Variants in STXBP5L observed in about 807,000 individuals in gnomAD.
STXBP5L encodes syntaxin binding protein 5L.
Under a neutral mutation model 144.5 loss-of-function variants are expected in STXBP5L, and 65 were observed. The observed-to-expected ratio is 0.45, with a 90% CI of 0.37 to 0.55. The LOEUF is 0.55. Ranked by LOEUF, STXBP5L falls within the 20% of genes least tolerant of loss-of-function variation. The pLI, the probability that STXBP5L is intolerant of heterozygous loss-of-function variation, is 0.00. For synonymous variants in STXBP5L, 505 were observed against 469.6 expected, an observed-to-expected ratio of 1.08 and a Z score of -0.97; for missense variants, 1,298 against 1,405.5, an observed-to-expected ratio of 0.92 and a Z score of 1.22.
chr3:121,215,749 G>C (rs900096129), intron 10 of STXBP5L, among the ~76,000 whole-genome samples: 1 of 152,134 alleles, frequency 6.6e-6, no homozygotes. Context: ...ATGTTGGCTT[G>C]TCTTGCTAGG....
intron 7 of STXBP5L, among the ~76,000 whole-genome samples, chr3:121,150,646 T>C (rs943238578): frequency 5.3e-5 from 8 of 152,120 alleles, no homozygotes; most frequent in Admixed American, 3.3e-4. Context: ...AATAGTGTTT[T>C]AGGATATTAT....
chr3:121,180,913 A>G (rs897590330), intron 9 of STXBP5L, among the ~76,000 whole-genome samples: 3 of 151,668 alleles, frequency 2.0e-5, no homozygotes, highest in Admixed American at 6.6e-5. Flanking sequence ...GAGAAGAGAA[A>G]AGAAAAGAAA....
At chr3:121,311,645 G>A (rs1381336621) in intron 19 of STXBP5L, among the ~76,000 whole-genome samples, 2 of 152,066 alleles carry the variant, frequency 1.3e-5, no homozygotes, top group Non-Finnish European at 2.9e-5. Flanking sequence ...GGGACGTGAA[G>A]GACCTCTTCA....
At chr3:121,373,518 A>G (rs1443901470) in intron 20 of STXBP5L, among the ~76,000 whole-genome samples, 5 of 152,152 alleles carry the variant, frequency 3.3e-5, no homozygotes, top group East Asian at 1.9e-4. Context: ...TGCATCTCCA[A>G]CATCCCTCCA....
At chr3:121,083,709 A>T (rs1265859764) in intron 5 of STXBP5L, among the ~76,000 whole-genome samples, 1 of 152,124 alleles carries the variant, frequency 6.6e-6, no homozygotes, top group Non-Finnish European at 1.5e-5. Context: ...TGTTTGGTAA[A>T]ATTCTCTAGC....
intron 5 of STXBP5L, among the ~76,000 whole-genome samples, chr3:121,085,476 A>G (rs77243819): frequency 0.036 from 5,407 of 152,294 alleles, 146 homozygotes; most frequent in Middle Eastern, 0.082. Context: ...GCAAAGTCTC[A>G]GGAGAAGGTT....
At chr3:120,976,029 G>C (rs1054441081) in intron 3 of STXBP5L, among the ~76,000 whole-genome samples, 5 of 152,118 alleles carry the variant, frequency 3.3e-5, no homozygotes, top group African/African-American at 9.7e-5. Flanking sequence ...GTCTCTGTCA[G>C]GCTTTGGTAT....
chr3:120,948,891 T>C (rs1014001916), intron 2 of STXBP5L, among the ~76,000 whole-genome samples: 17 of 151,386 alleles, frequency 1.1e-4, no homozygotes, highest in African/African-American at 4.1e-4. Context: ...CTTTTTCATA[T>C]AATGATTTTT....
chr3:120,978,324 C>G (rs1413032619), intron 3 of STXBP5L, among the ~76,000 whole-genome samples: 1 of 152,210 alleles, frequency 6.6e-6, no homozygotes, highest in Non-Finnish European at 1.5e-5. Flanking sequence ...CCCTTTCTTC[C>G]AGTTGTTCGC....
intron 5 of STXBP5L, among the ~76,000 whole-genome samples, chr3:121,079,929 G>A (rs1170465556): frequency 6.6e-6 from 1 of 152,078 alleles, no homozygotes; most frequent in African/African-American, 2.4e-5. Context: ...GTATTGAAGT[G>A]CCCCACTATT....
chr3:120,942,378 G>A (rs1710611880), intron 2 of STXBP5L, among the ~76,000 whole-genome samples: 1 of 151,476 alleles, frequency 6.6e-6, no homozygotes, highest in Admixed American at 6.6e-5. Flanking sequence ...TGAGATATAT[G>A]AATATAATAC....
rs1411478967 is a variant in STXBP5L, at chr3:121,098,178, T to C, written c.471-16747T>C. 4.6e-5 allele frequency among the ~76,000 whole-genome samples: 7 copies of C among 151,882 alleles called. No individual in the cohort carries two copies. In the East Asian group the frequency reaches 1.2e-3, roughly 25 times the overall value. On this transcript the variant is annotated intron_variant, in intron 5 of 26. Transcript: ENST00000471454. ...GAGTTGGTTTGAAAATTGGTGGAGATTGTTTGATGACTGCCCTTTTTCAGT... is the reference window on the plus strand; with the variant it reads ...GAGTTGGTTTGAAAATTGGTGGAGACTGTTTGATGACTGCCCTTTTTCAGT...
chr3:121,011,534 G>T (rs545368835), intron 3 of STXBP5L, among the ~76,000 whole-genome samples: 1 of 151,532 alleles, frequency 6.6e-6, no homozygotes, highest in Admixed American at 6.6e-5. Context: ...TTCCTCTCAA[G>T]CTTCATCCTC....
chr3:121,216,301 C>A (rs1054697020), intron 10 of STXBP5L, among the ~76,000 whole-genome samples: 14 of 152,114 alleles, frequency 9.2e-5, no homozygotes, highest in African/African-American at 3.4e-4. Flanking sequence ...CCTTTTTATA[C>A]TTTTTTGTCT....
intron 2 of STXBP5L, among the ~76,000 whole-genome samples, chr3:120,931,719 C>T (rs923818568): frequency 1.3e-5 from 2 of 152,092 alleles, no homozygotes; most frequent in African/African-American, 2.4e-5. Flanking sequence ...TTGCAGCAAC[C>T]AGAGAAGGAA....
intron 2 of STXBP5L, among the ~76,000 whole-genome samples, chr3:120,915,842 A>G: frequency 6.6e-6 from 1 of 152,172 alleles, no homozygotes; most frequent in Non-Finnish European, 1.5e-5. Context: ...TATAAAGAAT[A>G]GAATATAAGC....
intron 5 of STXBP5L, among the ~76,000 whole-genome samples, chr3:121,103,712 G>T (rs1397123722): frequency 6.6e-6 from 1 of 152,090 alleles, no homozygotes; most frequent in Non-Finnish European, 1.5e-5. Context: ...ACAGTATAGA[G>T]AATATAAAGC....
At chr3:121,156,850 A>C (rs1252367270) in intron 8 of STXBP5L, among the ~76,000 whole-genome samples, 1 of 152,012 alleles carries the variant, frequency 6.6e-6, no homozygotes, top group African/African-American at 2.4e-5. Context: ...GAGGATATTC[A>C]TAGGTTGTAT....
intron 4 of STXBP5L, among the ~76,000 whole-genome samples, chr3:121,043,977 C>T (rs1947335878): frequency 6.6e-6 from 1 of 152,080 alleles, no homozygotes; most frequent in Non-Finnish European, 1.5e-5. Flanking sequence ...TGTAACTCAT[C>T]AAATGCTTCC....
Sources: allele counts gnomAD v4.1 joint callset (sites outside exome capture counted in the v4.1 genomes callset), GRCh38; gene constraint gnomAD v4.1.1; transcripts MANE v1.5; gene names NCBI Gene and HGNC (gene_info 2026-07-23, HGNC 2026-07-21).